The following ROBO1 variants were observed in gnomAD, a reference collection of about 807,000 sequenced individuals.
ROBO1 encodes the protein roundabout guidance receptor 1.
Under a neutral mutation model 195.9 loss-of-function variants are expected in ROBO1, and 149 were observed. The observed-to-expected ratio is 0.76, with a 90% CI of 0.67 to 0.87. The LOEUF (loss-of-function observed/expected upper bound fraction) is 0.87, where lower values mean the gene tolerates loss of function less well. Among genes scored for constraint, ROBO1 ranks in the 40% least tolerant of loss-of-function variants. The pLI, the probability that ROBO1 is intolerant of heterozygous loss-of-function variation, is 0.00. For missense variants in ROBO1, 1,933 were observed against 2,068.3 expected (o/e 0.93, Z 1.27); for synonymous variants, 816 against 733.2 (o/e 1.11, Z -1.82).
chr3:78,941,398 G>T (rs1157168753), intron 3 of ROBO1, among the ~76,000 whole-genome samples: 1 of 152,192 alleles, frequency 6.6e-6, no homozygotes, highest in Non-Finnish European at 1.5e-5. Context: ...AACTTCAGAA[G>T]ATTAAGTATT....
intron 3 of ROBO1, among the ~76,000 whole-genome samples, chr3:79,011,916 A>G (rs1053358342): frequency 1.3e-5 from 2 of 151,984 alleles, no homozygotes; most frequent in Non-Finnish European, 2.9e-5. Flanking sequence ...TGGGCATACG[A>G]ACTGTGTTTC....
intron 2 of ROBO1, among the ~76,000 whole-genome samples, chr3:79,398,188 C>G (rs930484684): frequency 6.6e-5 from 10 of 151,908 alleles, no homozygotes; most frequent in African/African-American, 2.4e-4. Context: ...CTCAACACAC[C>G]CTTATATTGC....
intron 3 of ROBO1, among the ~76,000 whole-genome samples, chr3:78,967,736 TC>T (rs2076678759): frequency 6.6e-6 from 1 of 152,144 alleles, no homozygotes; most frequent in Non-Finnish European, 1.5e-5. Context: ...TCTAAAAAGA[TC>T]CATAAATCTA....
At chr3:79,383,686 C>T (rs1008901951) in intron 2 of ROBO1, among the ~76,000 whole-genome samples, 3 of 152,024 alleles carry the variant, frequency 2.0e-5, no homozygotes, top group African/African-American at 7.2e-5. Flanking sequence ...GTAGGCATGA[C>T]AGTTTCCATA....
intron 2 of ROBO1, among the ~76,000 whole-genome samples, chr3:79,492,455 A>G (rs1284721355): frequency 6.7e-6 from 1 of 150,142 alleles, no homozygotes; most frequent in Non-Finnish European, 1.5e-5. Context: ...AAGAGACTGT[A>G]GAGTTTAATA....
At chr3:79,569,685 G>T (rs1480369637) in intron 2 of ROBO1, among the ~76,000 whole-genome samples, 1 of 150,796 alleles carries the variant, frequency 6.6e-6, no homozygotes, top group Non-Finnish European at 1.5e-5. Flanking sequence ...ATATATGTGT[G>T]TGTGTATATA....
At chr3:79,270,199 CTCTCTCTCTCTCT>C (rs888961606) in intron 2 of ROBO1, among the ~76,000 whole-genome samples, 1 of 150,894 alleles carries the variant, frequency 6.6e-6, no homozygotes, top group Non-Finnish European at 1.5e-5. Context: ...CTCTCTCTCT[CTCTCTCTCTCTCT>C]CTCTCTCTCA....
At chr3:79,711,474 C>G (rs1403610283) in intron 1 of ROBO1, among the ~76,000 whole-genome samples, 1 of 151,882 alleles carries the variant, frequency 6.6e-6, no homozygotes, top group African/African-American at 2.4e-5. Flanking sequence ...TTTGTTTTTA[C>G]TCTGATGACA....
chr3:79,059,986 G>A (rs2078885440), intron 3 of ROBO1, among the ~76,000 whole-genome samples: 4 of 152,124 alleles, frequency 2.6e-5, no homozygotes, highest in Admixed American at 2.6e-4. Flanking sequence ...AAAGTGAATA[G>A]GAGAAATATC....
intron 27 of ROBO1, among the ~76,000 whole-genome samples, chr3:78,616,270 T>C (rs917140486): frequency 6.6e-6 from 1 of 152,068 alleles, no homozygotes; most frequent in Non-Finnish European, 1.5e-5. Context: ...GGTTAAAAAA[T>C]AAGGAGAAAA....
chr3:78,741,730 T>C (rs2082538413), intron 5 of ROBO1, among the ~76,000 whole-genome samples: 1 of 152,148 alleles, frequency 6.6e-6, no homozygotes, highest in African/African-American at 2.4e-5. Flanking sequence ...TTAACAATGA[T>C]GGATATGATT....
chr3:79,197,699 T>G (rs546955029), intron 2 of ROBO1, among the ~76,000 whole-genome samples: 1 of 152,226 alleles, frequency 6.6e-6, no homozygotes, highest in South Asian at 2.1e-4. Context: ...CTCCAGCATC[T>G]GTTGTTTCCT....
At chr3:78,809,936 A>G (rs2084681572) in intron 4 of ROBO1, among the ~76,000 whole-genome samples, 1 of 151,606 alleles carries the variant, frequency 6.6e-6, no homozygotes, top group Non-Finnish European at 1.5e-5. Context: ...GTGTATACCT[A>G]TGTAACAAAC....
At chr3:79,669,454 T>A (rs537231748) in intron 1 of ROBO1, among the ~76,000 whole-genome samples, 4 of 152,046 alleles carry the variant, frequency 2.6e-5, no homozygotes, top group Admixed American at 2.6e-4. Context: ...ATTATGTTTC[T>A]TATGTTTAGA....
In ROBO1 at chr3:79,114,404, C is replaced by T. The variant is rs538080690; in HGVS notation, c.172+11052G>A. Among the ~76,000 whole-genome samples the T allele has an allele frequency of 4.6e-5, 7 of 152,160 alleles. No homozygotes were observed. In the East Asian group the frequency reaches 1.3e-3, roughly 29 times the overall value. On this transcript the variant is annotated intron_variant, in intron 3 of 30. Coordinates refer to ENST00000464233, the MANE Select transcript of ROBO1 (RefSeq NM_002941.4). ...AACAATACTAAAAACATTTTGCTTT[C>T]GCTTTGCAGATATAGTAGCATATAT...
intron 21 of ROBO1, 144 bp downstream of exon 21, chr3:78,646,003 AT>A (rs1706258997): frequency 2.9e-6 from 2 of 687,804 alleles, no homozygotes; most frequent in South Asian, 3.9e-5. Context: ...TTTCAACAGC[AT>A]AGCTGAATGG....
At chr3:78,782,489 G>T (rs1172814343) in intron 4 of ROBO1, among the ~76,000 whole-genome samples, 1 of 152,040 alleles carries the variant, frequency 6.6e-6, no homozygotes, top group Non-Finnish European at 1.5e-5. Flanking sequence ...GAGCTACTGT[G>T]CCTGGCCCAT....
At chr3:79,016,408 T>G (rs2077934790) in intron 3 of ROBO1, among the ~76,000 whole-genome samples, 1 of 152,196 alleles carries the variant, frequency 6.6e-6, no homozygotes, top group South Asian at 2.1e-4. Flanking sequence ...CATCAATGGC[T>G]TAAATGGAAA....
chr3:78,981,788 AACACACACACACACAC>A (rs375186931), intron 3 of ROBO1, among the ~76,000 whole-genome samples: 3 of 140,688 alleles, frequency 2.1e-5, no homozygotes, highest in East Asian at 2.1e-4. Context: ...GGCCCCTGCC[AACACACACACACACAC>A]ACACACACAC....
Sources: allele counts gnomAD v4.1 joint callset (sites outside exome capture counted in the v4.1 genomes callset), GRCh38; gene constraint gnomAD v4.1.1; transcripts MANE v1.5; gene names NCBI Gene and HGNC (gene_info 2026-07-23, HGNC 2026-07-21).